The following RCL1 variants were observed in gnomAD, a reference collection of about 807,000 sequenced individuals.
The protein encoded by RCL1 is RNA terminal phosphate cyclase like 1, also known as RNA 3'-terminal phosphate cyclase-like protein.
A neutral mutation model predicts 42.4 loss-of-function variants in RCL1; 24 were observed. That is an observed-to-expected ratio of 0.57 (90% CI 0.41 to 0.80). RCL1 has a LOEUF of 0.80. RCL1 is among the 30% of genes least tolerant of loss of function. RCL1 has a pLI of 0.00. For missense variants in RCL1, 578 were observed against 467.9 expected, an observed-to-expected ratio of 1.24 and a Z score of -2.17; for synonymous variants, 228 against 177.3, an observed-to-expected ratio of 1.29 and a Z score of -2.27.
intron 6 of RCL1, among the ~76,000 whole-genome samples, chr9:4,841,632 T>G (rs1817333997): frequency 6.6e-6 from 1 of 152,234 alleles, no homozygotes; most frequent in Non-Finnish European, 1.5e-5. Context: ...GCTTTAGGCT[T>G]TAAATTCCAT....
At chr9:4,824,701 G>A (rs1454676530) in intron 2 of RCL1, among the ~76,000 whole-genome samples, 1 of 152,098 alleles carries the variant, frequency 6.6e-6, no homozygotes, top group Non-Finnish European at 1.5e-5. Flanking sequence ...AGGCAAGCTT[G>A]GGTTCATATG....
At chr9:4,810,348 C>A (rs1283179160) in intron 1 of RCL1, among the ~76,000 whole-genome samples, 6 of 152,260 alleles carry the variant, frequency 3.9e-5, no homozygotes, top group African/African-American at 1.4e-4. Flanking sequence ...CCATTCCCTC[C>A]CACTGCCAAG....
At chr9:4,852,175 C>G (rs1430506847) in intron 8 of RCL1, among the ~76,000 whole-genome samples, 2 of 152,142 alleles carry the variant, frequency 1.3e-5, no homozygotes, top group Non-Finnish European at 2.9e-5. Context: ...GCCACCAAGT[C>G]CGGCCAATGT....
intron 1 of RCL1, among the ~76,000 whole-genome samples, chr9:4,811,148 G>A (rs143486336): frequency 0.011 from 1,655 of 152,018 alleles, 27 homozygotes; most frequent in African/African-American, 0.039. Flanking sequence ...CAGGTGTGGT[G>A]GTGCACACCT....
chr9:4,800,355 C>T (rs1413659138), intron 1 of RCL1, among the ~76,000 whole-genome samples: 1 of 152,016 alleles, frequency 6.6e-6, no homozygotes, highest in African/African-American at 2.4e-5. Flanking sequence ...GCTGGGATTA[C>T]AGGCACCCAC....
At chr9:4,802,029 C>T (rs976923223) in intron 1 of RCL1, among the ~76,000 whole-genome samples, 13 of 150,716 alleles carry the variant, frequency 8.6e-5, no homozygotes, top group African/African-American at 2.4e-4. Flanking sequence ...CTGTCTCAGT[C>T]TCCCGAGCAT....
chr9:4,823,989 C>T (rs1816677580), intron 2 of RCL1, among the ~76,000 whole-genome samples: 1 of 152,056 alleles, frequency 6.6e-6, no homozygotes, highest in Non-Finnish European at 1.5e-5. Context: ...CATGAAGTCT[C>T]CCAATTTGAA....
intron 4 of RCL1, 88 bp from the exon 5 acceptor site, chr9:4,834,053 C>T (rs1023607181): frequency 7.0e-7 from 1 of 1,431,596 alleles, no homozygotes; most frequent in Non-Finnish European, 9.5e-7. Context: ...AAGGAAGCAT[C>T]TGCTGGTGTA....
Position 4,860,074 on chromosome 9 carries a change from TTTTTTGAATGAATTTC to T in RCL1, c.972-45_972-30del, listed in dbSNP as rs778012637. ...GATTCTAGGTGGTAGAGGATAATTTTTTTTTGAATGAATTTCTTTTTATTTATTTATTTATTTTTTT... is the reference window on the plus strand; with the variant it reads ...GATTCTAGGTGGTAGAGGATAATTTTTTTTTATTTATTTATTTATTTTTTT... On this transcript the variant is annotated intron_variant, in intron 8 of 8. Transcript: ENST00000381750. The T allele has an allele frequency of 4.9e-4, 664 of 1,342,820 alleles. 8 individuals are homozygous for T. In the South Asian group the frequency reaches 9.6e-3, roughly 20 times the overall value. 83.2% of individuals were successfully genotyped at this position (1,342,820 alleles called of 1,614,324 possible). A position where few individuals can be genotyped will look rare whatever the true frequency, so the allele number is the denominator to read the frequency against.
At chr9:4,833,474 C>T (rs1366168124) in intron 4 of RCL1, among the ~76,000 whole-genome samples, 2 of 152,204 alleles carry the variant, frequency 1.3e-5, no homozygotes, top group Non-Finnish European at 2.9e-5. Context: ...AAGCAGTTTA[C>T]AAATACTAAC....
At chr9:4,844,396 A>G (rs1817438006) in intron 6 of RCL1, 129 bp from the exon 7 acceptor site, 1 of 667,052 alleles carries the variant, frequency 1.5e-6, no homozygotes, top group Non-Finnish European at 2.6e-6. Context: ...TATGAGGTTA[A>G]TGCAGCCAGA....
chr9:4,814,807 G>A (rs922819464), intron 1 of RCL1, among the ~76,000 whole-genome samples: 2 of 152,000 alleles, frequency 1.3e-5, no homozygotes, highest in Non-Finnish European at 2.9e-5. Context: ...GTAAGGCCTG[G>A]CTAATAGTAA....
At position 4,833,109 on chromosome 9, in the gene RCL1, G is replaced by A. The variant is rs138523480; in HGVS notation, c.385-45G>A. 737 of 1,334,248 alleles carry A rather than the reference G, an allele frequency of 5.5e-4. No individual in the cohort carries two copies. In the African/African-American group the frequency reaches 8.9e-3, roughly 16 times the overall value. The allele number at this position is 1,334,248 out of a possible 1,614,324, so 82.7% of individuals were successfully genotyped here. On this transcript the variant is annotated intron_variant, in intron 3 of 8. Coordinates refer to ENST00000381750, the MANE Select transcript of RCL1 (RefSeq NM_005772.5). ...TTGTTTTTTTTGACTCTTGTATTCT[G>A]CTGAAGGCTTAATTAAACTTTTCTT...
chr9:4,859,166 C>T (rs1056370388), intron 8 of RCL1, among the ~76,000 whole-genome samples: 8 of 152,192 alleles, frequency 5.3e-5, no homozygotes, highest in Admixed American at 2.6e-4. Flanking sequence ...ACCTGCACTG[C>T]GGTTCATCCA....
At chr9:4,858,704 C>T (rs1051526011) in intron 8 of RCL1, among the ~76,000 whole-genome samples, 14 of 151,906 alleles carry the variant, frequency 9.2e-5, no homozygotes, top group East Asian at 1.9e-4. Flanking sequence ...ATGTGTTTAG[C>T]GTCAGTGTTT....
chr9:4,796,041 A>G (rs754035742), intron 1 of RCL1, among the ~76,000 whole-genome samples: 3 of 152,168 alleles, frequency 2.0e-5, no homozygotes, highest in Non-Finnish European at 4.4e-5. Context: ...TAGGATTGAG[A>G]TGGTGGCTGC....
chr9:4,850,604 A>G (rs966672773), intron 8 of RCL1, among the ~76,000 whole-genome samples: 8 of 150,446 alleles, frequency 5.3e-5, no homozygotes, highest in African/African-American at 2.0e-4. Context: ...GGAAACTGGT[A>G]AGGACCACAT....
chr9:4,837,501 C>T (rs543220034), intron 5 of RCL1, among the ~76,000 whole-genome samples: 38 of 152,094 alleles, frequency 2.5e-4, no homozygotes, highest in African/African-American at 9.2e-4. Context: ...TATTGGCGGC[C>T]GTGAACTTTG....
intron 5 of RCL1, 34 bp downstream of exon 5, chr9:4,834,299 T>TTG: frequency 6.4e-7 from 1 of 1,565,262 alleles, no homozygotes; most frequent in South Asian, 1.2e-5. Flanking sequence ...TTCTTTTTTT[T>TTG]TTGTTGTTGT....
Sources: gnomAD v4.1 joint callset for allele counts (sites outside exome capture counted in the v4.1 genomes callset) on GRCh38, gnomAD v4.1.1 for gene constraint, MANE v1.5 for transcripts, NCBI Gene and HGNC (gene_info 2026-07-23, HGNC 2026-07-21) for gene names.